The following RBFOX1 variants were observed in gnomAD, a reference collection of about 807,000 sequenced individuals.
RBFOX1 encodes the protein RNA binding protein fox-1 homolog 1.
Under a neutral mutation model 57.7 loss-of-function variants are expected in RBFOX1, and 8 were observed. That is an observed-to-expected ratio of 0.14 (90% CI 0.08 to 0.25). The LOEUF (loss-of-function observed/expected upper bound fraction) is 0.25, where lower values mean the gene tolerates loss of function less well. Among genes scored for constraint, RBFOX1 ranks in the 10% least tolerant of loss-of-function variants. The probability of loss-of-function intolerance (pLI) is 1.00; values close to 1 mark genes in which losing one functional copy is unlikely to be tolerated. For missense variants in RBFOX1, 611 were observed against 548.5 expected (o/e 1.11, Z -1.14); for synonymous variants, 326 against 222.4 (o/e 1.47, Z -4.15).
intron 2 of RBFOX1, among the ~76,000 whole-genome samples, chr16:5,533,131 C>T (rs2044553338): frequency 6.6e-6 from 1 of 152,088 alleles, no homozygotes; most frequent in Non-Finnish European, 1.5e-5. Context: ...TTCGTCATAA[C>T]AGGTGGGAGA....
intron 4 of RBFOX1, among the ~76,000 whole-genome samples, chr16:7,467,776 T>G (rs1379928991): frequency 2.0e-5 from 3 of 152,192 alleles, no homozygotes; most frequent in East Asian, 3.9e-4. Context: ...TTCCACTTCA[T>G]CTCTTTGGAA....
intron 3 of RBFOX1, among the ~76,000 whole-genome samples, chr16:6,682,190 G>A (rs1453843526): frequency 6.6e-6 from 1 of 152,094 alleles, no homozygotes; most frequent in Non-Finnish European, 1.5e-5. Flanking sequence ...CAAGGATTAG[G>A]GCAATTAAAA....
intron 1 of RBFOX1, among the ~76,000 whole-genome samples, chr16:6,274,289 G>C (rs2075553690): frequency 6.6e-6 from 1 of 152,108 alleles, no homozygotes. Context: ...TAGAAACTGG[G>C]AACAGCCTAC....
intron 1 of RBFOX1, among the ~76,000 whole-genome samples, chr16:6,039,961 A>G (rs1295609752): frequency 6.6e-6 from 1 of 152,200 alleles, no homozygotes; most frequent in Non-Finnish European, 1.5e-5. Context: ...CACATGTGCC[A>G]TGATAGAGAG....
chr16:6,244,389 C>T (rs1247722156), intron 1 of RBFOX1, among the ~76,000 whole-genome samples: 1 of 152,182 alleles, frequency 6.6e-6, no homozygotes, highest in Non-Finnish European at 1.5e-5. Context: ...TCAGAGAGTC[C>T]ACCCTAGCTC....
chr16:6,120,206 A>C (rs930910923), intron 1 of RBFOX1, among the ~76,000 whole-genome samples: 3 of 152,150 alleles, frequency 2.0e-5, no homozygotes, highest in African/African-American at 7.2e-5. Context: ...TGTTTTCATT[A>C]TTTCCTTGAC....
intron 4 of RBFOX1, among the ~76,000 whole-genome samples, chr16:5,869,406 A>T (rs990665237): frequency 1.3e-5 from 2 of 152,142 alleles, no homozygotes; most frequent in African/African-American, 4.8e-5. Context: ...CACAAGATTT[A>T]TACGTATATA....
chr16:7,589,013 A>G (rs554992527), intron 7 of RBFOX1, among the ~76,000 whole-genome samples: 18 of 152,300 alleles, frequency 1.2e-4, no homozygotes, highest in East Asian at 3.9e-4. Flanking sequence ...ATATTTTACA[A>G]TCGTTCTCGA....
intron 1 of RBFOX1, among the ~76,000 whole-genome samples, chr16:5,284,618 T>G (rs1355691208): frequency 6.6e-6 from 1 of 150,924 alleles, no homozygotes; most frequent in Non-Finnish European, 1.5e-5. Flanking sequence ...CATAGCTCAC[T>G]GCAGCCTTGA....
intron 4 of RBFOX1, among the ~76,000 whole-genome samples, chr16:5,995,200 T>C (rs1047910244): frequency 3.3e-5 from 5 of 152,260 alleles, no homozygotes; most frequent in Non-Finnish European, 7.3e-5. Context: ...TTTTATTTAT[T>C]GACTGCTCAG....
chr16:6,859,199 A>ATGTATATATATGTATATATATATG (rs2058571250), intron 3 of RBFOX1, among the ~76,000 whole-genome samples: 2 of 107,790 alleles, frequency 1.9e-5, no homozygotes, highest in South Asian at 6.3e-4. Context: ...ATATATATGT[A>ATGTATATATATGTATATATATATG]TATATATATA....
intron 2 of RBFOX1, among the ~76,000 whole-genome samples, chr16:6,636,489 T>G (rs945492532): frequency 6.6e-6 from 1 of 152,056 alleles, no homozygotes; most frequent in East Asian, 1.9e-4. Context: ...ATTTTTAGAT[T>G]GGGAGTGCTC....
At chr16:6,498,968 A>G (rs972167221) in intron 2 of RBFOX1, among the ~76,000 whole-genome samples, 1 of 152,182 alleles carries the variant, frequency 6.6e-6, no homozygotes, top group Admixed American at 6.5e-5. Context: ...CCCCATTGGC[A>G]AAAAGCGACT....
chr16:7,496,243 A>C (rs1221891425), intron 4 of RBFOX1, among the ~76,000 whole-genome samples: 4 of 152,180 alleles, frequency 2.6e-5, no homozygotes, highest in African/African-American at 7.2e-5. Flanking sequence ...TCCCAGTTCA[A>C]GTGATTCTCT....
At chr16:7,081,399 G>T (rs2059177080) in intron 4 of RBFOX1, among the ~76,000 whole-genome samples, 1 of 152,284 alleles carries the variant, frequency 6.6e-6, no homozygotes, top group East Asian at 1.9e-4. Flanking sequence ...CTGTTTGTGT[G>T]TTTGTGTCCT....
At chr16:7,162,808 C>T (rs1403272590) in intron 4 of RBFOX1, among the ~76,000 whole-genome samples, 2 of 152,180 alleles carry the variant, frequency 1.3e-5, no homozygotes, top group African/African-American at 4.8e-5. Flanking sequence ...CCTCCTCTTT[C>T]TCCTTCTTCC....
intron 4 of RBFOX1, among the ~76,000 whole-genome samples, chr16:7,473,220 A>C (rs1275265212): frequency 6.6e-6 from 1 of 151,968 alleles, no homozygotes; most frequent in Admixed American, 6.6e-5. Context: ...TCTACTAAAA[A>C]CACAAAAACT....
At chr16:7,620,216 T>C (rs564243037) in intron 10 of RBFOX1, among the ~76,000 whole-genome samples, 1 of 152,352 alleles carries the variant, frequency 6.6e-6, no homozygotes, top group Non-Finnish European at 1.5e-5. Context: ...CTGATTACTA[T>C]TTGCCAAACA....
intron 1 of RBFOX1, among the ~76,000 whole-genome samples, chr16:6,187,808 C>G (rs540529126): frequency 3.3e-5 from 5 of 152,264 alleles, no homozygotes; most frequent in Non-Finnish European, 7.3e-5. Flanking sequence ...GCCAGACACC[C>G]AGAGCAAAGT....
Sources: allele counts gnomAD v4.1 joint callset (sites outside exome capture counted in the v4.1 genomes callset), GRCh38; gene constraint gnomAD v4.1.1; transcripts MANE v1.5; gene names NCBI Gene and HGNC (gene_info 2026-07-23, HGNC 2026-07-21).